The following KAZN variants were observed in gnomAD, a reference collection of about 807,000 sequenced individuals.
KAZN encodes the protein kazrin.
KAZN carries 40 observed loss-of-function variants against 87.4 expected under a neutral mutation model. The observed-to-expected ratio is 0.46, with a 90% confidence interval of 0.36 to 0.60. The LOEUF (loss-of-function observed/expected upper bound fraction) is 0.60, where lower values mean the gene tolerates loss of function less well. Ranked by LOEUF, KAZN falls within the 20% of genes least tolerant of loss-of-function variation. The probability of loss-of-function intolerance (pLI) is 0.00; values close to 1 mark genes in which losing one functional copy is unlikely to be tolerated. For synonymous variants in KAZN, 466 were observed against 458.3 expected, an observed-to-expected ratio of 1.02 and a Z score of -0.22; for missense variants, 898 against 1,073.9, an observed-to-expected ratio of 0.84 and a Z score of 2.29.
At chr1:14,076,574 C>A (rs997389149) in intron 1 of KAZN, among the ~76,000 whole-genome samples, 1 of 152,132 alleles carries the variant, frequency 6.6e-6, no homozygotes, top group African/African-American at 2.4e-5. Flanking sequence ...AGAACCCTAG[C>A]AAACTAGTTC....
At chr1:15,048,794 T>TCC (rs1673949273) in intron 4 of KAZN, among the ~76,000 whole-genome samples, 1 of 149,142 alleles carries the variant, frequency 6.7e-6, no homozygotes. Flanking sequence ...TCCTTGGTCA[T>TCC]TGGTCCTGAG....
chr1:15,047,616 C>G (rs919698700), intron 4 of KAZN, among the ~76,000 whole-genome samples: 3 of 152,118 alleles, frequency 2.0e-5, no homozygotes, highest in Admixed American at 6.5e-5. Flanking sequence ...ACTGAAAATA[C>G]AAAAATCAGC....
intron 2 of KAZN, among the ~76,000 whole-genome samples, chr1:14,354,645 GAC>G (rs71570202): frequency 0.078 from 10,963 of 141,356 alleles, 513 homozygotes; most frequent in East Asian, 0.16. Flanking sequence ...AGCTAAATTA[GAC>G]ACACACACAC....
At chr1:14,484,349 T>C (rs1023653108) in intron 2 of KAZN, among the ~76,000 whole-genome samples, 1 of 152,188 alleles carries the variant, frequency 6.6e-6, no homozygotes, top group African/African-American at 2.4e-5. Context: ...TTTTAAGTGT[T>C]TACACCACCA....
chr1:14,725,731 C>T (rs969462942), intron 1 of KAZN, among the ~76,000 whole-genome samples: 1 of 152,172 alleles, frequency 6.6e-6, no homozygotes, highest in African/African-American at 2.4e-5. Flanking sequence ...ATACAGTCAA[C>T]CTGAGCCTCC....
rs373938613 is a variant in KAZN, at chr1:15,052,368, G to A, written c.727-3723G>A. On this transcript the variant is annotated intron_variant, in intron 4 of 14. Transcript: ENST00000376030. ...CAGGGGAACTGCCTTTTATAAAACC[G>A]TCAGATCTCAGGAGACTTATTCACT... Among the ~76,000 whole-genome samples the A allele has an allele frequency of 7.2e-5, 11 of 152,232 alleles. No individual in the cohort carries two copies. In the East Asian group the frequency reaches 1.2e-3, roughly 16 times the overall value.
chr1:14,766,675 T>C (rs1277603190), intron 1 of KAZN, among the ~76,000 whole-genome samples: 2 of 148,998 alleles, frequency 1.3e-5, no homozygotes, highest in Non-Finnish European at 3.0e-5. Context: ...CTCCCCCTGT[T>C]GGAGCTCACA....
At chr1:15,065,878 G>T (rs944227662) in intron 8 of KAZN, 125 bp downstream of exon 8, 2 of 1,519,310 alleles carry the variant, frequency 1.3e-6, no homozygotes, top group African/African-American at 2.8e-5. Context: ...GTGCGCGTGT[G>T]GCCGTGCGTG....
At chr1:14,378,810 C>T (rs908137470) in intron 2 of KAZN, among the ~76,000 whole-genome samples, 11 of 152,008 alleles carry the variant, frequency 7.2e-5, no homozygotes, top group Admixed American at 7.2e-4. Flanking sequence ...GAAAGGCAGT[C>T]TAGGCCACAA....
exon 2 of KAZN, chr1:14,180,535 G>A (rs779241921): frequency 1.3e-6 from 2 of 1,550,362 alleles, no homozygotes; most frequent in Non-Finnish European, 1.7e-6. Context: ...TACCCACTGA[G>A]AAGGAGACTC....
At chr1:14,266,059 G>A (rs547839825) in intron 2 of KAZN, among the ~76,000 whole-genome samples, 1 of 152,308 alleles carries the variant, frequency 6.6e-6, no homozygotes, top group African/African-American at 2.4e-5. Context: ...CTGATGTCTG[G>A]CACTATGGAT....
chr1:14,244,063 A>G (rs1286091852), intron 2 of KAZN, among the ~76,000 whole-genome samples: 1 of 152,242 alleles, frequency 6.6e-6, no homozygotes, highest in African/African-American at 2.4e-5. Flanking sequence ...CAACAATTAA[A>G]CAGAGAAAAA....
At chr1:14,295,580 T>C (rs901109435) in intron 2 of KAZN, among the ~76,000 whole-genome samples, 4 of 151,706 alleles carry the variant, frequency 2.6e-5, no homozygotes, top group African/African-American at 4.8e-5. Context: ...GACACACACT[T>C]ATAGACACAC....
At chr1:14,269,218 G>A (rs898400080) in intron 2 of KAZN, among the ~76,000 whole-genome samples, 7 of 152,036 alleles carry the variant, frequency 4.6e-5, no homozygotes, top group Admixed American at 6.6e-5. Flanking sequence ...AAAGGGCCAC[G>A]TATATAAACA....
chr1:14,277,363 C>T (rs919225312), intron 2 of KAZN, among the ~76,000 whole-genome samples: 5 of 152,064 alleles, frequency 3.3e-5, no homozygotes, highest in South Asian at 2.1e-4. Flanking sequence ...TAAACCTATA[C>T]GAGTTAGAAA....
intron 2 of KAZN, among the ~76,000 whole-genome samples, chr1:14,317,909 G>A (rs1655771344): frequency 6.6e-6 from 1 of 151,986 alleles, no homozygotes; most frequent in Non-Finnish European, 1.5e-5. Flanking sequence ...TTAGGGGGCT[G>A]TGGTTTACAT....
intron 1 of KAZN, among the ~76,000 whole-genome samples, chr1:14,629,932 C>T (rs1679438891): frequency 6.6e-6 from 1 of 151,938 alleles, no homozygotes; most frequent in Admixed American, 6.5e-5. Flanking sequence ...AAAGCCCCAC[C>T]TACCCGCCCC....
chr1:14,784,020 T>C (rs919081497), intron 1 of KAZN, among the ~76,000 whole-genome samples: 1 of 152,042 alleles, frequency 6.6e-6, no homozygotes, highest in Admixed American at 6.6e-5. Flanking sequence ...GCAGACCCAC[T>C]AGGAGATACA....
At chr1:15,067,790 C>T (rs7520096) in intron 8 of KAZN, 30 of 985,078 alleles carry the variant, frequency 3.0e-5, no homozygotes, top group African/African-American at 1.9e-4. Flanking sequence ...CTAGGGGTGA[C>T]GGGGAGCGAC....
Sources: allele counts gnomAD v4.1 joint callset (sites outside exome capture counted in the v4.1 genomes callset), GRCh38; gene constraint gnomAD v4.1.1; transcripts MANE v1.5; gene names NCBI Gene and HGNC (gene_info 2026-07-23, HGNC 2026-07-21).